The following IL1RAPL1 variants were observed in gnomAD, a reference collection of about 807,000 sequenced individuals.
IL1RAPL1 encodes interleukin 1 receptor accessory protein like 1, also known as interleukin-1 receptor accessory protein-like 1.
A neutral mutation model predicts 48.4 loss-of-function variants in IL1RAPL1; 3 were observed. The observed-to-expected ratio is 0.06, with a 90% CI of 0.03 to 0.16. IL1RAPL1 has a LOEUF of 0.16. Among genes scored for constraint, IL1RAPL1 ranks in the 10% least tolerant of loss-of-function variants. The pLI, the probability that IL1RAPL1 is intolerant of heterozygous loss-of-function variation, is 1.00. For synonymous variants in IL1RAPL1, 185 were observed against 187.7 expected (o/e 0.99, Z 0.12); for missense variants, 349 against 530.6 (o/e 0.66, Z 3.36).
At chrX:29,806,268 G>A (rs1930253978) in intron 6 of IL1RAPL1, among the ~76,000 whole-genome samples, 1 of 112,127 alleles carries the variant, frequency 8.9e-6, no homozygotes, top group Non-Finnish European at 1.9e-5. Context: ...TTGTAGTTAA[G>A]TAGGGAATTT....
intron 2 of IL1RAPL1, among the ~76,000 whole-genome samples, chrX:28,958,418 A>C (rs937921877): frequency 1.8e-5 from 2 of 111,483 alleles, no homozygotes; most frequent in Admixed American, 1.9e-4. Context: ...GTGTGATTGA[A>C]AGCCTGAATG....
intron 5 of IL1RAPL1, among the ~76,000 whole-genome samples, chrX:29,418,972 T>A (rs1472522151): frequency 8.9e-6 from 1 of 112,396 alleles, no homozygotes; most frequent in Non-Finnish European, 1.9e-5. Context: ...CTCAGAGCAA[T>A]AATTTTATAC....
intron 2 of IL1RAPL1, among the ~76,000 whole-genome samples, chrX:28,824,699 A>G (rs1936973722): frequency 9.0e-6 from 1 of 111,686 alleles, no homozygotes; most frequent in African/African-American, 3.2e-5. Context: ...ATTTAAAATT[A>G]CACTGTATGT....
intron 1 of IL1RAPL1, among the ~76,000 whole-genome samples, chrX:28,592,197 T>A (rs1483793220): frequency 8.9e-6 from 1 of 112,044 alleles, no homozygotes; most frequent in Non-Finnish European, 1.9e-5. Flanking sequence ...TTGAATAACA[T>A]TCAAACAGTG....
At chrX:28,858,210 C>A (rs777625237) in intron 2 of IL1RAPL1, among the ~76,000 whole-genome samples, 1 of 112,100 alleles carries the variant, frequency 8.9e-6, no homozygotes, top group South Asian at 3.7e-4. Flanking sequence ...AAAGTGGTTT[C>A]TTAAGATGAA....
At chrX:29,066,350 C>T (rs1274856364) in intron 2 of IL1RAPL1, among the ~76,000 whole-genome samples, 1 of 112,507 alleles carries the variant, frequency 8.9e-6, no homozygotes, top group African/African-American at 3.2e-5. Context: ...GGAAGATTCT[C>T]TTTGACTGTA....
intron 6 of IL1RAPL1, among the ~76,000 whole-genome samples, chrX:29,908,969 C>T (rs1425015976): frequency 9.0e-6 from 1 of 111,704 alleles, no homozygotes; most frequent in Non-Finnish European, 1.9e-5. Context: ...TCATACACTC[C>T]TATAAACTTT....
intron 2 of IL1RAPL1, among the ~76,000 whole-genome samples, chrX:29,224,784 A>G (rs1931047694): frequency 8.9e-6 from 1 of 112,421 alleles, no homozygotes; most frequent in Non-Finnish European, 1.9e-5. Context: ...ATTTATAACT[A>G]AAGAGCATTT....
chrX:28,769,524 T>C lies in IL1RAPL1; in HGVS notation c.-24-19796T>C, dbSNP rs772321936. Among the ~76,000 whole-genome samples the C allele has an allele frequency of 2.7e-5, 3 of 111,902 alleles. No individual in the cohort carries two copies. In the East Asian group the frequency reaches 8.5e-4, roughly 32 times the overall value. ...TATTATTTAATGATACTTTTGTATA[T>C]TGGATATCACTATCATGACAAGGAC... On this transcript the variant is annotated intron_variant, in intron 1 of 10. Coordinates refer to ENST00000378993, the MANE Select transcript of IL1RAPL1 (RefSeq NM_014271.4).
intron 8 of IL1RAPL1, 111 bp from the exon 9 acceptor site, chrX:29,941,540 C>T (rs1038752715): frequency 1.6e-5 from 13 of 795,803 alleles, no homozygotes; most frequent in Middle Eastern, 3.2e-4. Flanking sequence ...TGTGTCAACC[C>T]GTTAACCCAC....
At chrX:28,767,744 T>C (rs894561020) in intron 1 of IL1RAPL1, among the ~76,000 whole-genome samples, 1 of 107,598 alleles carries the variant, frequency 9.3e-6, no homozygotes, top group African/African-American at 3.5e-5. Flanking sequence ...TGTGTGTGTG[T>C]GCATGCACAT....
intron 6 of IL1RAPL1, among the ~76,000 whole-genome samples, chrX:29,684,764 T>C (rs1473089918): frequency 8.9e-6 from 1 of 112,038 alleles, no homozygotes; most frequent in Non-Finnish European, 1.9e-5. Flanking sequence ...AAAGTTAACG[T>C]GAGAAAAGCT....
At chrX:29,230,101 T>C (rs1452888368) in intron 2 of IL1RAPL1, among the ~76,000 whole-genome samples, 3 of 111,667 alleles carry the variant, frequency 2.7e-5, no homozygotes, top group Non-Finnish European at 5.6e-5. Context: ...CTGCATGAGA[T>C]TGATTTGTTG....
chrX:29,708,734 CA>C (rs1927265137), intron 6 of IL1RAPL1, among the ~76,000 whole-genome samples: 1 of 111,769 alleles, frequency 8.9e-6, no homozygotes, highest in Non-Finnish European at 1.9e-5. Flanking sequence ...GAAATATACC[CA>C]GAAGTGGGAT....
intron 1 of IL1RAPL1, among the ~76,000 whole-genome samples, chrX:28,687,777 G>C (rs1429985198): frequency 1.0e-5 from 1 of 99,660 alleles, no homozygotes; most frequent in Non-Finnish European, 2.0e-5. Context: ...GCGAGACTCC[G>C]TCTCAGAAAA....
chrX:28,983,493 T>C (rs190452949), intron 2 of IL1RAPL1, among the ~76,000 whole-genome samples: 75 of 112,429 alleles, frequency 6.7e-4, no homozygotes, highest in Non-Finnish European at 1.1e-3. Context: ...TTATGATTTA[T>C]AATGGATTAG....
chrX:29,850,032 T>C, intron 6 of IL1RAPL1, among the ~76,000 whole-genome samples: 1 of 111,560 alleles, frequency 9.0e-6, no homozygotes, highest in Non-Finnish European at 1.9e-5. Flanking sequence ...TTAATCTCTT[T>C]CTCTGTCTCT....
intron 2 of IL1RAPL1, among the ~76,000 whole-genome samples, chrX:29,119,342 T>C (rs1216837213): frequency 9.0e-6 from 1 of 111,455 alleles, no homozygotes; most frequent in Non-Finnish European, 1.9e-5. Context: ...AAAGATCATT[T>C]CATTGGCACA....
intron 1 of IL1RAPL1, among the ~76,000 whole-genome samples, chrX:28,625,460 T>G (rs1162177060): frequency 2.7e-5 from 3 of 111,893 alleles, no homozygotes; most frequent in Non-Finnish European, 3.8e-5. Context: ...CTCACAGAAC[T>G]GTATGCTCCT....
Sources: allele counts gnomAD v4.1 joint callset (sites outside exome capture counted in the v4.1 genomes callset), GRCh38; gene constraint gnomAD v4.1.1; transcripts MANE v1.5; gene names NCBI Gene and HGNC (gene_info 2026-07-23, HGNC 2026-07-21).